The following PPFIA2 variants were observed in gnomAD, a reference collection of about 807,000 sequenced individuals.
The protein encoded by PPFIA2 is PPFI scaffold protein A2.
In PPFIA2, 46 loss-of-function variants were observed where a neutral mutation model predicts 175.5. The observed-to-expected ratio is 0.26, with a 90% confidence interval of 0.21 to 0.34. The LOEUF is 0.34. Ranked by LOEUF, PPFIA2 falls within the 10% of genes least tolerant of loss-of-function variation. The pLI, the probability that PPFIA2 is intolerant of heterozygous loss-of-function variation, is 1.00. For missense variants in PPFIA2, 1,179 were observed against 1,506.1 expected (o/e 0.78, Z 3.60); for synonymous variants, 568 against 511.4 (o/e 1.11, Z -1.49).
intron 4 of PPFIA2, among the ~76,000 whole-genome samples, chr12:81,639,681 TTTC>T (rs2064679809): frequency 6.6e-6 from 1 of 152,176 alleles, no homozygotes; most frequent in Non-Finnish European, 1.5e-5. Flanking sequence ...TTATAAATGT[TTTC>T]TTAATTGATA....
At chr12:81,717,625 AAT>A (rs2078802653) in intron 3 of PPFIA2, among the ~76,000 whole-genome samples, 1 of 151,730 alleles carries the variant, frequency 6.6e-6, no homozygotes, top group Non-Finnish European at 1.5e-5. Context: ...CTTCAAAACT[AAT>A]ATAGTCATTC....
intron 28 of PPFIA2, among the ~76,000 whole-genome samples, chr12:81,273,579 T>G (rs1041254060): frequency 5.3e-5 from 8 of 152,136 alleles, no homozygotes; most frequent in African/African-American, 1.9e-4. Context: ...GTTCTTCAAA[T>G]TAGTTGGTGT....
chr12:81,569,558 A>C (rs976422988), intron 4 of PPFIA2, among the ~76,000 whole-genome samples: 5 of 152,282 alleles, frequency 3.3e-5, no homozygotes, highest in Middle Eastern at 3.4e-3. Context: ...TTCAAAATGC[A>C]TTCATTGAAA....
chr12:81,674,239 A>G (rs2071998482), intron 4 of PPFIA2, among the ~76,000 whole-genome samples: 1 of 152,062 alleles, frequency 6.6e-6, no homozygotes, highest in Non-Finnish European at 1.5e-5. Context: ...TCCTTATGAG[A>G]GATCATTCAC....
intron 4 of PPFIA2, among the ~76,000 whole-genome samples, chr12:81,458,455 A>C (rs947869583): frequency 6.6e-5 from 10 of 152,096 alleles, no homozygotes. Flanking sequence ...GGTAAGCTCC[A>C]TGTGGACAGG....
intron 4 of PPFIA2, among the ~76,000 whole-genome samples, chr12:81,534,425 T>C (rs990446305): frequency 6.6e-6 from 1 of 151,832 alleles, no homozygotes; most frequent in East Asian, 1.9e-4. Flanking sequence ...GTTCTATGCA[T>C]GTAACAAAAT....
intron 4 of PPFIA2, among the ~76,000 whole-genome samples, chr12:81,541,521 CCAGGTGATTTTA>C (rs2066207212): frequency 1.3e-5 from 2 of 152,026 alleles, no homozygotes; most frequent in Non-Finnish European, 2.9e-5. Context: ...TGGTGATTTC[CCAGGTGATTTTA>C]CAGGTTCTAT....
chr12:81,415,031 T>C (rs1307218647), intron 7 of PPFIA2, among the ~76,000 whole-genome samples: 4 of 149,724 alleles, frequency 2.7e-5, no homozygotes, highest in Non-Finnish European at 4.5e-5. Context: ...TTTGATCAGC[T>C]TACATGTAAC....
At chr12:81,488,839 G>A (rs1364074234) in intron 4 of PPFIA2, among the ~76,000 whole-genome samples, 2 of 151,658 alleles carry the variant, frequency 1.3e-5, no homozygotes, top group African/African-American at 2.4e-5. Flanking sequence ...AGGGATGGAT[G>A]GTCCTTTCAT....
chr12:81,658,714 T>C (rs989409228), intron 4 of PPFIA2, among the ~76,000 whole-genome samples: 2 of 151,976 alleles, frequency 1.3e-5, no homozygotes, highest in Admixed American at 6.6e-5. Context: ...ATGTTACATA[T>C]GTTTTATATA....
intron 4 of PPFIA2, among the ~76,000 whole-genome samples, chr12:81,654,555 A>G (rs1161262773): frequency 1.3e-5 from 2 of 152,100 alleles, no homozygotes; most frequent in Non-Finnish European, 2.9e-5. Context: ...CCTAGCATTT[A>G]TGGAATAAAC....
chr12:81,712,337 A>G (rs560693411), intron 3 of PPFIA2, among the ~76,000 whole-genome samples: 64 of 151,436 alleles, frequency 4.2e-4, no homozygotes, highest in African/African-American at 1.5e-3. Context: ...GTTTGATACA[A>G]AGTACTTAAT....
Position 81,445,629 on chromosome 12 carries a change from C to T in PPFIA2, c.497G>A (p.Gly166Glu). ...VVKRQAQSPS[G>E]VSSEVEVLKA... ...GAGAACTTCAACTTCACTGGATACT[C>T]CTGAGGGAGACTGGGCTTGCCGTTT... The change falls in exon 6 of 33, where the codon GGA becomes GAA. Residue 166 changes from glycine to glutamate, a missense_variant. Transcript: ENST00000549396. 6.2e-7 allele frequency: 1 copy of T among 1,613,882 alleles called. No individual in the cohort carries two copies. Among genetic ancestry groups the T allele is most frequent in the Non-Finnish European group, 8.5e-7 (1 of 1,179,856 alleles).
intron 7 of PPFIA2, among the ~76,000 whole-genome samples, chr12:81,428,886 T>C (rs561638883): frequency 1.8e-4 from 27 of 152,152 alleles, no homozygotes; most frequent in Admixed American, 7.2e-4. Context: ...GCATTATCTT[T>C]AAGGAATATA....
chr12:81,414,630 TC>T (rs1380372711), intron 7 of PPFIA2, among the ~76,000 whole-genome samples: 1 of 151,572 alleles, frequency 6.6e-6, no homozygotes, highest in Admixed American at 6.6e-5. Context: ...TATCCCAAAT[TC>T]AATTAACAAT....
intron 4 of PPFIA2, among the ~76,000 whole-genome samples, chr12:81,574,022 C>T (rs566804000): frequency 3.3e-5 from 5 of 151,992 alleles, no homozygotes; most frequent in African/African-American, 1.2e-4. Context: ...GATCTGAGAT[C>T]ATAATTTTGG....
At chr12:81,354,685 C>T (rs1160743522) in intron 16 of PPFIA2, among the ~76,000 whole-genome samples, 1 of 151,876 alleles carries the variant, frequency 6.6e-6, no homozygotes, top group Non-Finnish European at 1.5e-5. Flanking sequence ...GCTCTGTTGC[C>T]CAGGCTGGAG....
chr12:81,319,500 A>G, intron 22 of PPFIA2, among the ~76,000 whole-genome samples: 1 of 151,968 alleles, frequency 6.6e-6, no homozygotes, highest in East Asian at 1.9e-4. Flanking sequence ...ATATTTTTCC[A>G]GAGAAATTTT....
At chr12:81,389,144 T>C (rs370528727) in intron 8 of PPFIA2, among the ~76,000 whole-genome samples, 170 of 140,780 alleles carry the variant, frequency 1.2e-3, no homozygotes, top group South Asian at 6.2e-3. Context: ...TATATATATA[T>C]ACACACACAC....
Sources: allele counts gnomAD v4.1 joint callset (sites outside exome capture counted in the v4.1 genomes callset), GRCh38; gene constraint gnomAD v4.1.1; transcripts MANE v1.5; gene names NCBI Gene and HGNC (gene_info 2026-07-23, HGNC 2026-07-21).